The following FAT3 variants were observed in gnomAD, a reference collection of about 807,000 sequenced individuals.
The protein encoded by FAT3 is FAT atypical cadherin 3, also known as protocadherin Fat 3.
FAT3 carries 95 observed loss-of-function variants against 310.2 expected under a neutral mutation model. That is an observed-to-expected ratio of 0.31 (90% confidence interval 0.26 to 0.36). The LOEUF is 0.36. Ranked by LOEUF, FAT3 falls within the 10% of genes least tolerant of loss-of-function variation. The probability of loss-of-function intolerance (pLI) is 1.00; values close to 1 mark genes in which losing one functional copy is unlikely to be tolerated. For missense variants in FAT3, 5,408 were observed against 5,715.6 expected (o/e 0.95, Z 1.74); for synonymous variants, 2,314 against 2,192.9 (o/e 1.06, Z -1.54).
chr11:92,879,330 G>A (rs748705872), intron 22 of FAT3, among the ~76,000 whole-genome samples: 7 of 152,146 alleles, frequency 4.6e-5, no homozygotes, highest in Admixed American at 1.3e-4. Flanking sequence ...TCCAACACAG[G>A]ACAGCAGGAA....
At chr11:92,462,433 T>G (rs1951660554) in intron 2 of FAT3, among the ~76,000 whole-genome samples, 1 of 152,208 alleles carries the variant, frequency 6.6e-6, no homozygotes, top group South Asian at 2.1e-4. Context: ...TTTGGTTTTC[T>G]GTTCCTGCGT....
At chr11:92,494,735 A>C (rs1347562676) in intron 2 of FAT3, among the ~76,000 whole-genome samples, 1 of 152,060 alleles carries the variant, frequency 6.6e-6, no homozygotes, top group Non-Finnish European at 1.5e-5. Context: ...CCTCCTTGCC[A>C]GTATCCTAAA....
At chr11:92,731,567 G>GT (rs1362573100) in intron 4 of FAT3, among the ~76,000 whole-genome samples, 2 of 151,958 alleles carry the variant, frequency 1.3e-5, no homozygotes, top group Non-Finnish European at 2.9e-5. Flanking sequence ...GCTGATCCAG[G>GT]TTCCACCCTT....
chr11:92,629,069 A>G (rs1222098729), intron 3 of FAT3, among the ~76,000 whole-genome samples: 1 of 152,236 alleles, frequency 6.6e-6, no homozygotes, highest in Non-Finnish European at 1.5e-5. Flanking sequence ...AACAGTGACA[A>G]GAGAAAGAAG....
intron 3 of FAT3, among the ~76,000 whole-genome samples, chr11:92,591,490 A>G (rs1939424904): frequency 6.6e-6 from 1 of 152,202 alleles, no homozygotes; most frequent in Admixed American, 6.5e-5. Context: ...TTTAACATAA[A>G]CAACCACATC....
chr11:92,844,106 T>C lies in FAT3; in HGVS notation c.10739T>C (p.Met3580Thr), dbSNP rs1242711247. Residue 3580 changes from methionine to threonine, a missense_variant, in exon 19 of 28, where the codon ATG becomes ACG. By Grantham distance (81) the Met-to-Thr change is moderately conservative. Coordinates refer to ENST00000525166, the MANE Select transcript of FAT3 (RefSeq NM_001367949.2). ...AAGATTCATGCCACAGATCAAGACA[T>C]GTATGATGTGCTCACATTTGCCCTG... The part of the protein sequence containing the change: ...IGKIHATDQD[M>T]YDVLTFALKS... The C allele has an allele frequency of 1.9e-6, 3 of 1,613,826 alleles. No individual in the cohort carries two copies. Among genetic ancestry groups the C allele is most frequent in the East Asian group, 4.5e-5 (2 of 44,892 alleles).
intron 4 of FAT3, among the ~76,000 whole-genome samples, chr11:92,702,027 A>G (rs1404772202): frequency 2.0e-5 from 3 of 152,142 alleles, no homozygotes; most frequent in African/African-American, 7.2e-5. Flanking sequence ...CTGTGATTGT[A>G]TTTTGGTACT....
Position 92,353,172 on chromosome 11 carries a change from C to G in FAT3, c.1060C>G (p.Gln354Glu). 3 of 1,613,592 alleles carry G rather than the reference C, an allele frequency of 1.9e-6. No homozygotes were observed. Among genetic ancestry groups the G allele is most frequent in the Non-Finnish European group, 2.5e-6 (3 of 1,179,814 alleles). The part of the protein sequence containing the change: ...TLQAKDKGSP[Q>E]KCSALKAVYI... ...TCAAGCAAAAGACAAGGGATCTCCT[C>G]AAAAATGTTCAGCATTAAAGGCAGT... Residue 354 changes from glutamine to glutamate, a missense_variant, in exon 2 of 28, where the codon CAA becomes GAA. By Grantham distance (29) the Gln-to-Glu change is conservative. Around this residue, in one of 5 missense-constraint regions of FAT3, gnomAD observed 4,588 missense variants for 4,809.8 expected, o/e 0.95. Coordinates refer to ENST00000525166, the MANE Select transcript of FAT3 (RefSeq NM_001367949.2).
At chr11:92,515,266 C>T (rs922653420) in intron 2 of FAT3, among the ~76,000 whole-genome samples, 1 of 152,044 alleles carries the variant, frequency 6.6e-6, no homozygotes, top group African/African-American at 2.4e-5. Context: ...GAATATGTCA[C>T]AGACATTTAT....
chr11:92,831,555 G>GT, intron 13 of FAT3, 67 bp from the exon 14 acceptor site: 1 of 1,393,680 alleles, frequency 7.2e-7, no homozygotes, highest in East Asian at 2.4e-5. Context: ...CTGCAAAGCT[G>GT]TAACATTCTA....
intron 2 of FAT3, among the ~76,000 whole-genome samples, chr11:92,461,170 C>T (rs1262647716): frequency 1.3e-5 from 2 of 152,156 alleles, no homozygotes; most frequent in Non-Finnish European, 2.9e-5. Context: ...TGGGCAACCA[C>T]TTAAACTTTA....
rs906779657 is a variant in FAT3 at position 92,368,168 on chromosome 11, A to G, written c.3292+12764A>G. Reference sequence around the variant, plus strand: ...TTTTGCTTGATTGCCTTTCCCTAGGATAACAATTTTGTAATCATTGCCATA... The same window carrying G: ...TTTTGCTTGATTGCCTTTCCCTAGGGTAACAATTTTGTAATCATTGCCATA... On this transcript the variant is annotated intron_variant, in intron 2 of 27. Coordinates refer to ENST00000525166, the MANE Select transcript of FAT3 (RefSeq NM_001367949.2). Among the ~76,000 whole-genome samples, 4 of 152,238 alleles carry G rather than the reference A, an allele frequency of 2.6e-5. No homozygotes were observed. The South Asian group carries it at 8.3e-4, about 32-fold the overall frequency.
chr11:92,558,402 A>ATGTGTGTG (rs58362077), intron 3 of FAT3, among the ~76,000 whole-genome samples: 3,786 of 150,118 alleles, frequency 0.025, 64 homozygotes, highest in African/African-American at 0.035. Context: ...TGTTGTGTTT[A>ATGTGTGTG]TGTGTGTGTG....
chr11:92,576,486 G>C (rs977821451), intron 3 of FAT3, among the ~76,000 whole-genome samples: 1 of 152,092 alleles, frequency 6.6e-6, no homozygotes, highest in African/African-American at 2.4e-5. Context: ...TGTGTATGCT[G>C]TTCTTACTTT....
chr11:92,891,253 A>T lies in FAT3; in HGVS notation c.*140A>T, dbSNP rs1338960656. The T allele has an allele frequency of 8.6e-7, 1 of 1,163,942 alleles. No individual in the cohort carries two copies. The highest frequency in any genetic ancestry group is 2.6e-5 in the East Asian group (1 of 38,818). 72.1% of individuals were successfully genotyped at this position (1,163,942 alleles called of 1,614,324 possible). A position where few individuals can be genotyped will look rare whatever the true frequency, so the allele number is the denominator to read the frequency against. ...TCCACTAGAAACTTCTTCACAAGTCATACTGTCCCAACAAGCAAGCTTGAT... is the reference window on the plus strand; with the variant it reads ...TCCACTAGAAACTTCTTCACAAGTCTTACTGTCCCAACAAGCAAGCTTGAT... On this transcript the variant is annotated 3_prime_UTR_variant, in exon 28 of 28. Coordinates refer to ENST00000525166, the MANE Select transcript of FAT3 (RefSeq NM_001367949.2).
intron 2 of FAT3, among the ~76,000 whole-genome samples, chr11:92,390,798 G>A (rs1229107329): frequency 6.6e-6 from 1 of 152,172 alleles, no homozygotes; most frequent in Admixed American, 6.5e-5. Flanking sequence ...AGGACTGAGG[G>A]TGAGAGGAGC....
At chr11:92,779,996 A>G (rs1372773138) in intron 7 of FAT3, among the ~76,000 whole-genome samples, 2 of 152,142 alleles carry the variant, frequency 1.3e-5, no homozygotes, top group Non-Finnish European at 2.9e-5. Flanking sequence ...ACCACAAGGA[A>G]CTATATTCGG....
chr11:92,822,252 A>G (rs1342531105), intron 13 of FAT3, among the ~76,000 whole-genome samples: 3 of 151,854 alleles, frequency 2.0e-5, no homozygotes, highest in African/African-American at 7.3e-5. Context: ...AGTTGATCAT[A>G]GTGGTTCTTT....
At chr11:92,625,039 C>A (rs926201791) in intron 3 of FAT3, among the ~76,000 whole-genome samples, 1 of 152,102 alleles carries the variant, frequency 6.6e-6, no homozygotes, top group Non-Finnish European at 1.5e-5. Context: ...AATTTGATAA[C>A]CTCTGTAGAG....
Sources: allele counts gnomAD v4.1 joint callset (sites outside exome capture counted in the v4.1 genomes callset), GRCh38; gene constraint gnomAD v4.1.1; regional missense constraint gnomAD v4.1.1; transcripts MANE v1.5; gene names NCBI Gene and HGNC (gene_info 2026-07-23, HGNC 2026-07-21).